Variants in PTPRN2 observed in about 807,000 individuals in gnomAD.
The protein encoded by PTPRN2 is protein tyrosine phosphatase receptor type N2.
PTPRN2 carries 74 observed loss-of-function variants against 118.8 expected under a neutral mutation model. The observed-to-expected ratio is 0.62, with a 90% CI of 0.52 to 0.76. The LOEUF (loss-of-function observed/expected upper bound fraction) is 0.76. PTPRN2 is among the 30% of genes least tolerant of loss of function. PTPRN2 has a pLI of 0.00. For synonymous variants in PTPRN2, 641 were observed against 608.0 expected, an observed-to-expected ratio of 1.05 and a Z score of -0.80; for missense variants, 1,481 against 1,394.4, an observed-to-expected ratio of 1.06 and a Z score of -0.99.
At chr7:158,449,914 C>T (rs538735586) in intron 2 of PTPRN2, among the ~76,000 whole-genome samples, 10 of 152,206 alleles carry the variant, frequency 6.6e-5, no homozygotes, top group South Asian at 2.1e-4. Context: ...GTAGTACAGA[C>T]GAATCCAAGG....
chr7:158,020,584 A>G (rs6974664), intron 11 of PTPRN2, among the ~76,000 whole-genome samples: 151,849 of 152,292 alleles, frequency 1, 75,703 homozygotes, highest in Middle Eastern at 1. Context: ...AGCCGTCAGG[A>G]CAGAAGCAGT....
intron 12 of PTPRN2, among the ~76,000 whole-genome samples, chr7:157,754,729 A>T (rs1342532706): frequency 6.6e-6 from 1 of 152,130 alleles, no homozygotes; most frequent in East Asian, 1.9e-4. Flanking sequence ...TTTTCTTTGT[A>T]GTTAGTTTTC....
chr7:157,710,451 A>T (rs1275577535), intron 12 of PTPRN2, among the ~76,000 whole-genome samples: 4 of 151,994 alleles, frequency 2.6e-5, no homozygotes, highest in Non-Finnish European at 5.9e-5. Flanking sequence ...TACAAACAAT[A>T]AAAAAATCAC....
intron 11 of PTPRN2, among the ~76,000 whole-genome samples, chr7:157,913,204 A>G (rs959048802): frequency 1.3e-5 from 2 of 152,208 alleles, no homozygotes; most frequent in Non-Finnish European, 2.9e-5. Context: ...ATTTTTAAAC[A>G]GCATTTTCTA....
intron 2 of PTPRN2, among the ~76,000 whole-genome samples, chr7:158,447,449 C>T (rs915257700): frequency 2.6e-5 from 4 of 152,228 alleles, no homozygotes; most frequent in Admixed American, 6.5e-5. Flanking sequence ...TAGGCCCTGA[C>T]GGACTCAGGC....
intron 1 of PTPRN2, among the ~76,000 whole-genome samples, chr7:158,578,219 C>G (rs752597999): frequency 2.0e-5 from 3 of 151,748 alleles, no homozygotes; most frequent in Non-Finnish European, 2.9e-5. Flanking sequence ...TATGTACTAT[C>G]TCTTTTTATT....
intron 5 of PTPRN2, among the ~76,000 whole-genome samples, chr7:158,169,008 A>G (rs1823280796): frequency 6.6e-6 from 1 of 152,110 alleles, no homozygotes; most frequent in Admixed American, 6.5e-5. Context: ...TTTAAATCCC[A>G]TCCGTTCATA....
intron 3 of PTPRN2, among the ~76,000 whole-genome samples, chr7:158,294,259 G>C (rs919547842): frequency 1.3e-5 from 2 of 152,202 alleles, no homozygotes; most frequent in Admixed American, 1.3e-4. Flanking sequence ...GCTGTTTACA[G>C]TTTCTCAACA....
At chr7:157,994,561 G>GCA (rs1563309737) in intron 11 of PTPRN2, among the ~76,000 whole-genome samples, 9 of 106,334 alleles carry the variant, frequency 8.5e-5, no homozygotes, top group East Asian at 2.6e-4. Flanking sequence ...TCAGCACCGC[G>GCA]TCCCCAGCTT....
chr7:158,397,669 T>G (rs1249683067), intron 2 of PTPRN2, among the ~76,000 whole-genome samples: 1 of 152,172 alleles, frequency 6.6e-6, no homozygotes, highest in East Asian at 1.9e-4. Context: ...AGTCACTCTG[T>G]GCCTCCACTT....
At chr7:158,042,242 A>T (rs1185490546) in intron 11 of PTPRN2, among the ~76,000 whole-genome samples, 1 of 152,192 alleles carries the variant, frequency 6.6e-6, no homozygotes, top group Non-Finnish European at 1.5e-5. Context: ...AAAAGAAGTC[A>T]GGGGAGTGAA....
chr7:158,372,223 C>T (rs113045668), intron 2 of PTPRN2, among the ~76,000 whole-genome samples: 6 of 133,286 alleles, frequency 4.5e-5, no homozygotes, highest in Admixed American at 1.5e-4. Flanking sequence ...TGGACACCCC[C>T]AGGCTGGACC....
chr7:157,687,993 C>A (rs1797277966), intron 12 of PTPRN2, among the ~76,000 whole-genome samples: 4 of 152,302 alleles, frequency 2.6e-5, no homozygotes, highest in Middle Eastern at 6.8e-3. Context: ...AGAGGCACTG[C>A]GGTCTGAATT....
At chr7:157,670,758 T>A (rs1374485426) in intron 13 of PTPRN2, among the ~76,000 whole-genome samples, 1 of 152,208 alleles carries the variant, frequency 6.6e-6, no homozygotes, top group Non-Finnish European at 1.5e-5. Flanking sequence ...CAACACGACC[T>A]CTGTGAGCAA....
intron 2 of PTPRN2, among the ~76,000 whole-genome samples, chr7:158,475,962 C>T (rs1200960361): frequency 9.2e-5 from 14 of 152,316 alleles, no homozygotes; most frequent in African/African-American, 2.9e-4. Flanking sequence ...CATCTGGGCT[C>T]GGAAACCTGC....
At chr7:157,900,901 C>T (rs1584981048) in intron 11 of PTPRN2, among the ~76,000 whole-genome samples, 1 of 149,388 alleles carries the variant, frequency 6.7e-6, no homozygotes, top group East Asian at 1.9e-4. Context: ...GGGAGAGATA[C>T]TGTCTTAGTC....
chr7:157,947,355 A>T (rs556105616), intron 11 of PTPRN2, among the ~76,000 whole-genome samples: 6 of 152,330 alleles, frequency 3.9e-5, no homozygotes, highest in South Asian at 4.1e-4. Context: ...AGGGGGTGCT[A>T]AATTGAGAAA....
At chr7:157,741,697 A>C (rs1163602576) in intron 12 of PTPRN2, among the ~76,000 whole-genome samples, 1 of 152,180 alleles carries the variant, frequency 6.6e-6, no homozygotes, top group African/African-American at 2.4e-5. Context: ...CTATGAGGGA[A>C]GAAGGGGACA....
At chr7:158,201,395 A>T (rs1826639498) in intron 4 of PTPRN2, among the ~76,000 whole-genome samples, 1 of 152,204 alleles carries the variant, frequency 6.6e-6, no homozygotes, top group Admixed American at 6.5e-5. Flanking sequence ...ATATATCGTG[A>T]CTGACTTTTC....
Sources: allele counts gnomAD v4.1 joint callset (sites outside exome capture counted in the v4.1 genomes callset), GRCh38; gene constraint gnomAD v4.1.1; transcripts MANE v1.5; gene names NCBI Gene and HGNC (gene_info 2026-07-23, HGNC 2026-07-21).